Variants in VTI1A observed in about 807,000 individuals in gnomAD.
VTI1A encodes vesicle transport through interaction with t-SNAREs homolog 1A.
A neutral mutation model predicts 34.9 loss-of-function variants in VTI1A; 22 were observed. The observed-to-expected ratio is 0.63, with a 90% CI of 0.45 to 0.90. The LOEUF (loss-of-function observed/expected upper bound fraction) is 0.90, where lower values mean the gene tolerates loss of function less well. Among genes scored for constraint, VTI1A ranks in the 40% least tolerant of loss-of-function variants. VTI1A has a pLI of 0.00. For missense variants in VTI1A, 268 were observed against 275.6 expected, an observed-to-expected ratio of 0.97 and a Z score of 0.20; for synonymous variants, 87 against 97.3, an observed-to-expected ratio of 0.89 and a Z score of 0.62.
chr10:112,656,123 A>G (rs984681588), intron 5 of VTI1A, among the ~76,000 whole-genome samples: 11 of 152,226 alleles, frequency 7.2e-5, no homozygotes, highest in African/African-American at 7.2e-5. Flanking sequence ...CCATAGGTCC[A>G]GGATAGCAAG....
intron 3 of VTI1A, among the ~76,000 whole-genome samples, chr10:112,511,457 A>T (rs1274489429): frequency 6.6e-6 from 1 of 151,984 alleles, no homozygotes; most frequent in Non-Finnish European, 1.5e-5. Flanking sequence ...TTGGCCAAGG[A>T]TGGTCTAGAT....
rs1246377471 is a variant in VTI1A, at chr10:112,447,245, T to C, written c.-129T>C. 1.1e-6 allele frequency: 1 copy of C among 936,040 alleles called. No individual in the cohort carries two copies. The allele number at this position is 936,040 out of a possible 1,614,324, so 58.0% of individuals were successfully genotyped here. A position where few individuals can be genotyped will look rare whatever the true frequency, so the allele number is the denominator to read the frequency against. ...ACCAGGAAGCGGCTGGGTTGAGAGC[T>C]GTCCCCGGTTCTCCGTTCTGCTCTC... On this transcript the variant is annotated 5_prime_UTR_variant, in exon 1 of 8. Coordinates refer to ENST00000393077, the MANE Select transcript of VTI1A (RefSeq NM_145206.4).
At chr10:112,758,996 A>T (rs889754350) in intron 7 of VTI1A, among the ~76,000 whole-genome samples, 8 of 152,138 alleles carry the variant, frequency 5.3e-5, no homozygotes, top group Non-Finnish European at 7.4e-5. Context: ...TGAGTTCACC[A>T]ATGACACCCT....
At chr10:112,777,813 GT>G in intron 7 of VTI1A, among the ~76,000 whole-genome samples, 1 of 152,284 alleles carries the variant, frequency 6.6e-6, no homozygotes, top group Non-Finnish European at 1.5e-5. Context: ...CAAAGTATTG[GT>G]GAAAGTGGCC....
chr10:112,459,996 T>C (rs1847677872), intron 1 of VTI1A, among the ~76,000 whole-genome samples: 1 of 152,158 alleles, frequency 6.6e-6, no homozygotes, highest in Non-Finnish European at 1.5e-5. Flanking sequence ...CCATAACCAT[T>C]GAGTGAGATA....
intron 7 of VTI1A, among the ~76,000 whole-genome samples, chr10:112,813,585 A>G (rs766721782): frequency 6.6e-6 from 1 of 152,198 alleles, no homozygotes; most frequent in Non-Finnish European, 1.5e-5. Flanking sequence ...GAAAAAATCA[A>G]TTTGGGTTTT....
intron 5 of VTI1A, chr10:112,548,540 A>G: frequency 1.5e-6 from 1 of 660,568 alleles, no homozygotes; most frequent in East Asian, 2.7e-5. Flanking sequence ...GGCCAATTGA[A>G]ACAAACAGTT....
rs556318429 is a variant in VTI1A at position 112,770,427 on chromosome 10, G to C, written c.561-44863G>C. ...TTTTTTTTTTTTGAGACGGAGTCTT[G>C]CTCTGTCACCCAGGCTGGAGTGCAG... is the stretch of plus-strand genomic sequence containing the variant. On this transcript the variant is annotated intron_variant, in intron 7 of 7. Transcript: ENST00000393077. Among the ~76,000 whole-genome samples, 4 of 147,684 alleles carry C rather than the reference G, an allele frequency of 2.7e-5. No individual in the cohort carries two copies. The East Asian group carries it at 7.9e-4, about 29-fold the overall frequency.
intron 7 of VTI1A, among the ~76,000 whole-genome samples, chr10:112,764,106 C>T (rs974070904): frequency 1.3e-5 from 2 of 152,156 alleles, no homozygotes; most frequent in Non-Finnish European, 2.9e-5. Flanking sequence ...GACTGATGCC[C>T]GACCTATAGC....
At chr10:112,519,517 A>C (rs1849932844) in intron 3 of VTI1A, among the ~76,000 whole-genome samples, 2 of 152,138 alleles carry the variant, frequency 1.3e-5, no homozygotes, top group South Asian at 2.1e-4. Flanking sequence ...TTTTTAGAGA[A>C]GGGTGACCAG....
chr10:112,649,113 G>T (rs1363741293), intron 5 of VTI1A, among the ~76,000 whole-genome samples: 1 of 152,006 alleles, frequency 6.6e-6, no homozygotes, highest in Admixed American at 6.6e-5. Context: ...AGTATGATTT[G>T]TCAGAACAGG....
At chr10:112,667,553 A>G (rs890697791) in intron 5 of VTI1A, among the ~76,000 whole-genome samples, 3 of 152,192 alleles carry the variant, frequency 2.0e-5, no homozygotes, top group Admixed American at 6.5e-5. Flanking sequence ...CTATAACAGT[A>G]TAAGGGTTTC....
At chr10:112,784,244 C>T (rs1001126874) in intron 7 of VTI1A, among the ~76,000 whole-genome samples, 4 of 152,102 alleles carry the variant, frequency 2.6e-5, no homozygotes, top group African/African-American at 7.2e-5. Context: ...GCAAATCTGC[C>T]GGTATATTCC....
At chr10:112,714,002 C>G (rs989111814) in intron 7 of VTI1A, among the ~76,000 whole-genome samples, 1 of 152,120 alleles carries the variant, frequency 6.6e-6, no homozygotes, top group African/African-American at 2.4e-5. Flanking sequence ...TCCACTCTTC[C>G]CCTCTCAACA....
At chr10:112,692,107 A>T (rs1476884494) in intron 7 of VTI1A, among the ~76,000 whole-genome samples, 1 of 152,244 alleles carries the variant, frequency 6.6e-6, no homozygotes, top group African/African-American at 2.4e-5. Context: ...AAATGTTACT[A>T]AACACCTCTG....
chr10:112,512,633 C>T (rs568461887), intron 3 of VTI1A, among the ~76,000 whole-genome samples: 2 of 152,176 alleles, frequency 1.3e-5, no homozygotes, highest in African/African-American at 2.4e-5. Context: ...CCGATGTCCC[C>T]AATAATTTTC....
At chr10:112,574,190 G>A (rs1318561438) in intron 5 of VTI1A, among the ~76,000 whole-genome samples, 1 of 152,156 alleles carries the variant, frequency 6.6e-6, no homozygotes, top group Middle Eastern at 3.2e-3. Flanking sequence ...GCACATGATT[G>A]GAAGCTGTTT....
chr10:112,503,875 C>T (rs1258063104), intron 3 of VTI1A, among the ~76,000 whole-genome samples: 1 of 152,128 alleles, frequency 6.6e-6, no homozygotes, highest in African/African-American at 2.4e-5. Flanking sequence ...CACTGGATTC[C>T]TTATTCCTTC....
intron 5 of VTI1A, among the ~76,000 whole-genome samples, chr10:112,553,632 G>A (rs1030957552): frequency 1.3e-5 from 2 of 152,160 alleles, no homozygotes; most frequent in African/African-American, 4.8e-5. Context: ...GCTGTCTTTT[G>A]GCTCTGCCCT....
Sources: allele counts gnomAD v4.1 joint callset (sites outside exome capture counted in the v4.1 genomes callset), GRCh38; gene constraint gnomAD v4.1.1; transcripts MANE v1.5; gene names NCBI Gene and HGNC (gene_info 2026-07-23, HGNC 2026-07-21).